Variants in FMNL1 observed in about 807,000 individuals in gnomAD.
The protein encoded by FMNL1 is formin like 1.
FMNL1 carries 43 observed loss-of-function variants against 121.3 expected under a neutral mutation model. The ratio of observed to expected loss-of-function variants is 0.35; its 90% CI spans 0.28 to 0.46. The LOEUF (loss-of-function observed/expected upper bound fraction) is 0.46. Ranked by LOEUF, FMNL1 falls within the 20% of genes least tolerant of loss-of-function variation. FMNL1 has a pLI of 1.00. For missense variants in FMNL1, 1,191 were observed against 1,482.4 expected (o/e 0.80, Z 3.23); for synonymous variants, 613 against 613.5 (o/e 1.00, Z 0.01).
At chr17:45,232,779 T>C (rs2043466129) in intron 3 of FMNL1, 2 of 584,730 alleles carry the variant, frequency 3.4e-6, no homozygotes, top group Non-Finnish European at 3.2e-6. Context: ...ATACTATGTG[T>C]GTACTTTGTC....
rs1466671388 is a variant in FMNL1 at position 45,245,102 on chromosome 17, G to T, written c.2722G>T (p.Gly908Cys). ...HSDLHFLDKA[G>C]SVSLDSVLAD... is the part of the protein sequence containing the mutation. ...CGACCTGCACTTCCTGGACAAGGCG[G>T]GCTCAGGTAGGAGACACACAGATCC... is the stretch of plus-strand genomic sequence containing the variant. Residue 908 changes from glycine (G) to cysteine (C), a missense_variant, in exon 21 of 27, where the codon GGC becomes TGC. Gly to Cys is a radical substitution (Grantham distance 159, BLOSUM62 -3). Coordinates refer to ENST00000331495, the MANE Select transcript of FMNL1 (RefSeq NM_005892.4). 2 of 1,613,994 alleles carry T rather than the reference G, an allele frequency of 1.2e-6. No homozygotes were observed. Among genetic ancestry groups the T allele is most frequent in the Admixed American group, 1.7e-5 (1 of 60,000 alleles).
rs1410269827 is a variant in FMNL1, at chr17:45,231,475, T to A, written c.213+788T>A. 1 of 152,280 alleles carries A rather than the reference T, an allele frequency of 6.6e-6. No homozygotes were observed. Among genetic ancestry groups the A allele is most frequent in the Non-Finnish European group, 1.5e-5 (1 of 68,154 alleles). 9.4% of individuals were successfully genotyped at this position (152,280 alleles called of 1,614,324 possible). On this transcript the variant is annotated intron_variant, in intron 2 of 26. Coordinates refer to ENST00000331495, the MANE Select transcript of FMNL1 (RefSeq NM_005892.4). The surrounding 1 kb of genome is among the most constrained non-coding windows in gnomAD (Gnocchi z 4.7). ...GGGAAGTGGGAAGAGGGTGGAGAGC[T>A]GCCCCTGGAGTCTCTGGTAGGGGTC...
Position 45,242,074 on chromosome 17 carries a change from C to A in FMNL1, c.1813C>A (p.Pro605Thr). The change falls in exon 15 of 27, where the codon CCG becomes ACG. Residue 605 changes from proline (P) to threonine (T), a missense_variant. This residue lies in a region of FMNL1 where 519 missense variants were observed against 492.8 expected (regional missense o/e 1.05). Coordinates refer to ENST00000331495, the MANE Select transcript of FMNL1 (RefSeq NM_005892.4). ...CACTGACGGGCCGGTGCCTCCGCCG[C>A]CGCCGCCGCCGCCGCCGCCTCCCGG... ...PGTDGPVPPPPPPPPPPPGGP... is the reference protein window; with the variant it reads ...PGTDGPVPPPTPPPPPPPGGP... The A allele has an allele frequency of 6.6e-7, 1 of 1,503,804 alleles. No homozygotes were observed. The highest frequency in any genetic ancestry group is 8.9e-7 in the Non-Finnish European group (1 of 1,127,186). The allele number at this position is 1,503,804 out of a possible 1,614,324, so 93.2% of individuals were successfully genotyped here.
chr17:45,243,430 T>G, intron 17 of FMNL1, 110 bp downstream of exon 17: 1 of 1,287,706 alleles, frequency 7.8e-7, no homozygotes, highest in Non-Finnish European at 1.1e-6. Context: ...TCATCAGGCT[T>G]CATACCAACC....
At position 45,232,020 on chromosome 17, in the gene FMNL1, C is replaced by T. The variant is rs73303245; in HGVS notation, c.214-347C>T. ...TAGGCCAGGGGTTTTTAAAGTGGCC[C>T]GATGCTAGCTGGGCGTGGTGGTGCA... On this transcript the variant is annotated intron_variant, in intron 2 of 26. Transcript: ENST00000331495. Among the ~76,000 whole-genome samples, 628 of 152,156 alleles carry T rather than the reference C, an allele frequency of 4.1e-3. 3 individuals carry two copies. The highest frequency in any genetic ancestry group is 0.014 in the African/African-American group (580 of 41,494).
Position 45,238,992 on chromosome 17 carries a change from C to T in FMNL1, c.1007C>T (p.Ser336Leu). 1.2e-6 allele frequency: 2 copies of T among 1,614,160 alleles called. No individual in the cohort carries two copies. The highest frequency in any genetic ancestry group is 1.3e-5 in the African/African-American group (1 of 75,026). ...CAGTTCATCAACATTGTGGTACATT[C>T]GGTGGAGAACATGAACTTCCGTGTC... is the stretch of plus-strand genomic sequence containing the variant. ...CMQFINIVVH[S>L]VENMNFRVFL... is the part of the protein sequence containing the mutation. The change falls in exon 11 of 27, where the codon TCG (serine) becomes TTG (leucine). Residue 336 changes from serine (S) to leucine (L), a missense_variant. Ser to Leu is a moderately radical substitution (Grantham distance 145). This residue lies in a region of FMNL1 where 253 missense variants were observed against 417.5 expected (regional missense o/e 0.61). Transcript: ENST00000331495.
In FMNL1 at chr17:45,235,615, T is replaced by C. The variant is rs143052474; in HGVS notation, c.615-521T>C. Among the ~76,000 whole-genome samples the C allele has an allele frequency of 2.2e-3, 333 of 152,300 alleles. 2 individuals carry two copies. Among genetic ancestry groups the C allele is most frequent in the Admixed American group, 3.7e-3 (56 of 15,302 alleles). The stretch of plus-strand genomic sequence containing the variant: ...GGCGAAGAATAAGGGAGTACAGTCA[T>C]ATAGCACTTACTATGTGCCAGGCAC... On this transcript the variant is annotated intron_variant, in intron 6 of 26. Transcript: ENST00000331495.
Position 45,241,622 on chromosome 17 carries a change from TC to T in FMNL1, c.1578del (p.Ser527AlafsTer93). The T allele has an allele frequency of 6.6e-7, 1 of 1,514,228 alleles. No individual in the cohort carries two copies. The allele number at this position is 1,514,228 out of a possible 1,614,324, so 93.8% of individuals were successfully genotyped here. A position where few individuals can be genotyped will look rare whatever the true frequency, so the allele number is the denominator to read the frequency against. Reference sequence around the variant, plus strand: ...TCCGACTCCGGGGGTGCCGACCGGCTCCCCCAGCCCAGGTGCGCAGGAGCTT... The same window carrying T: ...TCCGACTCCGGGGGTGCCGACCGGCTCCCCAGCCCAGGTGCGCAGGAGCTT... ...DAPTPGVPTG[S>X]PSPDLAPAAE... On this transcript the variant is annotated frameshift_variant, in exon 14 of 27. Transcript: ENST00000331495. LOFTEE classifies it high-confidence loss of function. The surrounding 1 kb of genome is among the most constrained non-coding windows in gnomAD (Gnocchi z 7.0).
intron 9 of FMNL1, 58 bp from the exon 10 acceptor site, chr17:45,238,506 G>T: frequency 6.3e-7 from 1 of 1,586,070 alleles, no homozygotes; most frequent in African/African-American, 1.3e-5. Context: ...GTGGCAGCCA[G>T]AAGGTAGCTT....
chr17:45,241,869 G>A lies in FMNL1; in HGVS notation c.1608G>A (p.Pro536=). Residue 536 remains proline (P), a synonymous_variant, in exon 15 of 27, where the codon CCG becomes CCA. Coordinates refer to ENST00000331495, the MANE Select transcript of FMNL1 (RefSeq NM_005892.4). The surrounding 1 kb of genome is among the most constrained non-coding windows in gnomAD (Gnocchi z 7.0). ...PSPDLAPAAE[P]APGAAPPPPP... is the part of the protein sequence containing the mutation. ...CAGATCTCGCACCTGCAGCAGAGCC[G>A]GCTCCCGGAGCAGCGCCACCGCCGC... The A allele has an allele frequency of 7.0e-7, 1 of 1,436,298 alleles. No individual in the cohort carries two copies. The highest frequency in any genetic ancestry group is 9.1e-7 in the Non-Finnish European group (1 of 1,103,748). 89.0% of individuals were successfully genotyped at this position (1,436,298 alleles called of 1,614,324 possible).
intron 10 of FMNL1, 120 bp from the exon 11 acceptor site, chr17:45,238,835 C>A: frequency 9.1e-7 from 1 of 1,102,852 alleles, no homozygotes; most frequent in Non-Finnish European, 1.4e-6. Flanking sequence ...CAGGCCAAGG[C>A]TGGGAGTTAG....
chr17:45,242,992 C>A, intron 16 of FMNL1, 126 bp from the exon 17 acceptor site: 2 of 1,031,840 alleles, frequency 1.9e-6, no homozygotes, highest in Non-Finnish European at 2.9e-6. Context: ...TGTGGTCAGG[C>A]TGGGTTACTG....
In FMNL1 at chr17:45,237,913, T is replaced by A; in HGVS notation, c.894+274T>A. 2.5e-6 allele frequency: 1 copy of A among 393,232 alleles called. No homozygotes were observed. Among genetic ancestry groups the A allele is most frequent in the Non-Finnish European group, 4.7e-6 (1 of 212,252 alleles). 24.4% of individuals were successfully genotyped at this position (393,232 alleles called of 1,614,324 possible). A position where few individuals can be genotyped will look rare whatever the true frequency, so the allele number is the denominator to read the frequency against. On this transcript the variant is annotated intron_variant, in intron 9 of 26. Coordinates refer to ENST00000331495, the MANE Select transcript of FMNL1 (RefSeq NM_005892.4). The surrounding 1 kb of genome is among the most constrained non-coding windows in gnomAD (Gnocchi z 4.4). ...GAACCTCTGACTCAGCCTTGCCAGA[T>A]CCAAACTAGCCTTGGTTCATACCTC... is the stretch of plus-strand genomic sequence containing the variant.
chr17:45,242,299 G>A, intron 15 of FMNL1, 42 bp from the exon 16 acceptor site: 2 of 1,606,342 alleles, frequency 1.2e-6, no homozygotes, highest in Non-Finnish European at 1.7e-6. Context: ...CCCTCCAGTA[G>A]TACCCCCAGT....
intron 1 of FMNL1, among the ~76,000 whole-genome samples, chr17:45,227,956 C>A (rs543971265): frequency 2.6e-5 from 4 of 152,154 alleles, no homozygotes; most frequent in Non-Finnish European, 5.9e-5. Context: ...CTCCCTGCCC[C>A]CCTCAGGAGG....
At chr17:45,228,291 T>C (rs1421243922) in intron 1 of FMNL1, among the ~76,000 whole-genome samples, 1 of 152,192 alleles carries the variant, frequency 6.6e-6, no homozygotes, top group East Asian at 1.9e-4. Flanking sequence ...CAGGCTGGCA[T>C]GTGGGCCTGG....
intron 1 of FMNL1, among the ~76,000 whole-genome samples, chr17:45,228,537 C>T (rs1030544277): frequency 2.0e-5 from 3 of 152,230 alleles, no homozygotes; most frequent in African/African-American, 7.2e-5. Flanking sequence ...TCTGTGCCTG[C>T]ACCTGTGAGG....
At chr17:45,244,098 G>C in intron 18 of FMNL1, 73 bp downstream of exon 18, 1 of 1,604,018 alleles carries the variant, frequency 6.2e-7, no homozygotes, top group South Asian at 1.1e-5. Context: ...CCTGGGCTGC[G>C]GCAGGGAACC....
Position 45,242,501 on chromosome 17 carries a change from G to A in FMNL1, c.2010+36G>A, listed in dbSNP as rs563535009. On this transcript the variant is annotated intron_variant, in intron 16 of 26. Transcript: ENST00000331495. Reference sequence around the variant, plus strand: ...CTGCCTGGCTCCCCATGTGGGCACCGGAGGAAGAGGGGAGTTGCCTGGATC... The same window carrying A: ...CTGCCTGGCTCCCCATGTGGGCACCAGAGGAAGAGGGGAGTTGCCTGGATC... The A allele has an allele frequency of 2.1e-5, 34 of 1,600,610 alleles. 1 individual carries two copies. The highest frequency in any genetic ancestry group is 2.8e-5 in the Non-Finnish European group (33 of 1,170,498).
Sources: gnomAD v4.1 joint callset for allele counts (sites outside exome capture counted in the v4.1 genomes callset) on GRCh38, gnomAD v4.1.1 for gene constraint, gnomAD v4.1.1 regional missense constraint, Gnocchi (gnomAD v3.1) non-coding constraint, MANE v1.5 for transcripts, NCBI Gene and HGNC (gene_info 2026-07-23, HGNC 2026-07-21) for gene names.